TMEM67: variants seen among roughly 807,000 people sequenced by gnomAD.
The protein encoded by TMEM67 is meckelin.
In TMEM67, 124 loss-of-function variants were observed where a neutral mutation model predicts 136.6. That is an observed-to-expected ratio of 0.91 (90% CI 0.78 to 1.05). The LOEUF is 1.05. Among genes scored for constraint, TMEM67 ranks in the 50% least tolerant of loss-of-function variants. The pLI is 0.00. For missense variants in TMEM67, 1,107 were observed against 1,178.4 expected (o/e 0.94, Z 0.89); for synonymous variants, 364 against 390.5 (o/e 0.93, Z 0.80).
intron 16 of TMEM67, chr8:93,794,955 G>A (rs1010637948): frequency 1.4e-4 from 27 of 187,746 alleles, no homozygotes; most frequent in Non-Finnish European, 2.7e-4. Flanking sequence ...GGAACTGGCA[G>A]ATGAGGCTAA....
chr8:93,779,081 C>T (rs1040762684), intron 7 of TMEM67, among the ~76,000 whole-genome samples: 5 of 152,132 alleles, frequency 3.3e-5, no homozygotes, highest in African/African-American at 9.7e-5. Context: ...CTAACCTTGT[C>T]GTCTCGCTTT....
At position 93,816,584 on chromosome 8, in the gene TMEM67, G is replaced by C. The variant is rs1387289929; in HGVS notation, c.*132G>C. The C allele has an allele frequency of 1.9e-6, 1 of 539,240 alleles. No individual in the cohort carries two copies. Among genetic ancestry groups the C allele is most frequent in the Non-Finnish European group, 3.4e-6 (1 of 297,232 alleles). The allele number at this position is 539,240 out of a possible 1,614,324, so 33.4% of individuals were successfully genotyped here. A position where few individuals can be genotyped will look rare whatever the true frequency, so the allele number is the denominator to read the frequency against. ...TGTTTTTGTTTTTTATTTGCAGAAA[G>C]ATTTATTTTTATAACTTGGGAATAT... On this transcript the variant is annotated 3_prime_UTR_variant, in exon 28 of 28. Transcript: ENST00000453321.
intron 18 of TMEM67, 54 bp from the exon 19 acceptor site, chr8:93,797,079 TA>T: frequency 9.7e-7 from 1 of 1,031,848 alleles, no homozygotes; most frequent in Non-Finnish European, 1.5e-6. Context: ...ATTGGTTTTA[TA>T]AGCAGACTTA....
chr8:93,829,766 T>C, the TMEM67 span, among the ~76,000 whole-genome samples: 5 of 152,214 alleles, frequency 3.3e-5, no homozygotes, highest in Non-Finnish European at 7.3e-5. Context: ...ATATGGTGGA[T>C]GAGCCAGTTC....
rs1266165871 is a variant in TMEM67, at chr8:93,779,721, T to C, written c.715-872T>C. 7.2e-5 allele frequency among the ~76,000 whole-genome samples: 11 copies of C among 152,264 alleles called. No homozygotes were observed. The South Asian group carries it at 1.9e-3, about 26-fold the overall frequency. On this transcript the variant is annotated intron_variant, in intron 7 of 27. Coordinates refer to ENST00000453321, the MANE Select transcript of TMEM67 (RefSeq NM_153704.6). ...GCGGAGGTTGTAGAACAGCAAATATTGCTGCCTGATCCTTCCTCTGGAAGC... is the reference window on the plus strand; with the variant it reads ...GCGGAGGTTGTAGAACAGCAAATATCGCTGCCTGATCCTTCCTCTGGAAGC...
chr8:93,780,518 G>A, intron 7 of TMEM67, 75 bp from the exon 8 acceptor site: 1 of 1,590,550 alleles, frequency 6.3e-7, no homozygotes, highest in South Asian at 1.1e-5. Flanking sequence ...CCTGCACAAA[G>A]TAAAATTTTT....
chr8:93,787,034 T>C (rs1446778671), intron 13 of TMEM67, among the ~76,000 whole-genome samples: 1 of 152,206 alleles, frequency 6.6e-6, no homozygotes, highest in African/African-American at 2.4e-5. Flanking sequence ...GAAATCCAAA[T>C]GTACTGTCTT....
chr8:93,815,241 A>G, intron 26 of TMEM67, 64 bp from the exon 27 acceptor site: 1 of 1,166,670 alleles, frequency 8.6e-7, no homozygotes, highest in South Asian at 1.5e-5. Context: ...TGTCACCAGA[A>G]GTTTATCACA....
At chr8:93,808,112 C>A (rs1815236298) in intron 23 of TMEM67, among the ~76,000 whole-genome samples, 1 of 150,832 alleles carries the variant, frequency 6.6e-6, no homozygotes, top group Non-Finnish European at 1.5e-5. Flanking sequence ...GCAATAAGGT[C>A]AATTATAAAG....
downstream of TMEM67, among the ~76,000 whole-genome samples, chr8:93,822,590 G>C (rs1371171226): frequency 6.6e-6 from 1 of 152,188 alleles, no homozygotes; most frequent in Non-Finnish European, 1.5e-5. Context: ...GACGGCGGAG[G>C]CAAGAGGAAC....
At chr8:93,784,022 C>A (rs1237800846) in intron 11 of TMEM67, among the ~76,000 whole-genome samples, 1 of 152,140 alleles carries the variant, frequency 6.6e-6, no homozygotes, top group Non-Finnish European at 1.5e-5. Flanking sequence ...CACGCACAAC[C>A]ATAGAACAAA....
chr8:93,757,215 G>A (rs1812615242), intron 2 of TMEM67: 1 of 151,832 alleles, frequency 6.6e-6, no homozygotes, highest in Admixed American at 6.6e-5. Flanking sequence ...AATAATTTGT[G>A]GCATTATTTT....
intron 14 of TMEM67, among the ~76,000 whole-genome samples, chr8:93,789,817 T>C (rs1250287519): frequency 6.6e-6 from 1 of 151,840 alleles, no homozygotes; most frequent in Non-Finnish European, 1.5e-5. Context: ...ATGCCTGCAA[T>C]CCCAGCACTA....
rs757858797 is a variant in TMEM67 at position 93,786,212 on chromosome 8, T to A, written c.1289-11T>A. ...TTTGTGCAGTAAACTTTTTTCTTTTTATAATAAAAGACAGCAACTCTGGAA... is the reference window on the plus strand; with the variant it reads ...TTTGTGCAGTAAACTTTTTTCTTTTAATAATAAAAGACAGCAACTCTGGAA... On this transcript the variant is annotated splice_polypyrimidine_tract_variant and intron_variant, in intron 12 of 27. Coordinates refer to ENST00000453321, the MANE Select transcript of TMEM67 (RefSeq NM_153704.6). The A allele has an allele frequency of 2.5e-6, 4 of 1,612,638 alleles. No individual in the cohort carries two copies. In the South Asian group the frequency reaches 4.4e-5, roughly 18 times the overall value.
intron 16 of TMEM67, among the ~76,000 whole-genome samples, chr8:93,794,092 A>G (rs1397400367): frequency 6.6e-6 from 1 of 152,008 alleles, no homozygotes; most frequent in African/African-American, 2.4e-5. Flanking sequence ...GGGTTTCACC[A>G]TGTTGTTCAG....
intron 6 of TMEM67, among the ~76,000 whole-genome samples, chr8:93,768,336 G>T (rs1813172832): frequency 6.6e-6 from 1 of 151,998 alleles, no homozygotes; most frequent in Non-Finnish European, 1.5e-5. Context: ...AAAGGGCTGG[G>T]CGTGGTGGCT....
chr8:93,760,074 A>G, intron 3 of TMEM67: 1 of 1,001,358 alleles, frequency 1.0e-6, no homozygotes, highest in Non-Finnish European at 1.3e-6. Flanking sequence ...ATTAAATATT[A>G]GAAAGATGCA....
rs770605718 is a variant in TMEM67 at position 93,765,633 on chromosome 8, G to A, written c.638G>A (p.Arg213His). ...NFPLRRISAA[R>H]YGEVGMSLTS... ...CCTCTACGTAGAATTTCAGCTGCACGTTATGGAGAAGTTGTGAGTATGTTT... is the reference window on the plus strand; with the variant it reads ...CCTCTACGTAGAATTTCAGCTGCACATTATGGAGAAGTTGTGAGTATGTTT... The change falls in exon 6 of 28, where the codon CGT (arginine) becomes CAT (histidine). Residue 213 changes from arginine (R) to histidine (H), a missense_variant. By Grantham distance (29) the Arg-to-His change is conservative. This residue lies in a region of TMEM67 where 925 missense variants were observed against 1,002.4 expected (regional missense o/e 0.92). Coordinates refer to ENST00000453321, the MANE Select transcript of TMEM67 (RefSeq NM_153704.6). 3 of 1,611,050 alleles carry A rather than the reference G, an allele frequency of 1.9e-6. No homozygotes were observed. Among genetic ancestry groups the A allele is most frequent in the African/African-American group, 2.7e-5 (2 of 74,872 alleles).
intron 14 of TMEM67, among the ~76,000 whole-genome samples, chr8:93,791,053 T>TAA (rs1814353425): frequency 6.6e-6 from 1 of 152,234 alleles, no homozygotes; most frequent in African/African-American, 2.4e-5. Context: ...GCCCCTTTTT[T>TAA]AATGTATGTG....
Sources: allele counts gnomAD v4.1 joint callset (sites outside exome capture counted in the v4.1 genomes callset), GRCh38; gene constraint gnomAD v4.1.1; regional missense constraint gnomAD v4.1.1; transcripts MANE v1.5; gene names NCBI Gene and HGNC (gene_info 2026-07-23, HGNC 2026-07-21).